The following ZC3H12D variants were observed in gnomAD, a reference collection of about 807,000 sequenced individuals.
The protein encoded by ZC3H12D is probable ribonuclease ZC3H12D.
In ZC3H12D, 11 loss-of-function variants were observed where a neutral mutation model predicts 24.2. The observed-to-expected ratio is 0.46, with a 90% CI of 0.29 to 0.75. The LOEUF (loss-of-function observed/expected upper bound fraction) is 0.75, where lower values mean the gene tolerates loss of function less well. Ranked by LOEUF, ZC3H12D falls within the 30% of genes least tolerant of loss-of-function variation. The pLI, the probability that ZC3H12D is intolerant of heterozygous loss-of-function variation, is 0.11. For missense variants in ZC3H12D, 740 were observed against 767.7 expected, an observed-to-expected ratio of 0.96 and a Z score of 0.43; for synonymous variants, 333 against 341.8, an observed-to-expected ratio of 0.97 and a Z score of 0.28.
At chr6:149,468,605 A>G (rs918712898) in intron 2 of ZC3H12D, among the ~76,000 whole-genome samples, 4 of 152,158 alleles carry the variant, frequency 2.6e-5, no homozygotes, top group Non-Finnish European at 5.9e-5. Flanking sequence ...TGGGGGTTCA[A>G]TTGCAAACAC....
intron 5 of ZC3H12D, among the ~76,000 whole-genome samples, chr6:149,451,749 G>C (rs531829997): frequency 1.3e-5 from 2 of 152,356 alleles, no homozygotes; most frequent in South Asian, 4.1e-4. Context: ...GGTATGCAGA[G>C]GAGTGTCGTT....
chr6:149,473,318 T>A (rs895833631), intron 2 of ZC3H12D, among the ~76,000 whole-genome samples: 2 of 152,192 alleles, frequency 1.3e-5, no homozygotes, highest in African/African-American at 4.8e-5. Context: ...GAGAATTGCT[T>A]TTCTGGATTC....
rs761360889 is a variant in ZC3H12D at position 149,450,709 on chromosome 6, C to T, written c.1558G>A (p.Ala520Thr). Residue 520 changes from alanine to threonine, a missense_variant, in exon 6 of 6, where the codon GCG becomes ACG. Ala to Thr is a moderately conservative substitution (Grantham distance 58). Coordinates refer to ENST00000409806, the MANE Select transcript of ZC3H12D (RefSeq NM_207360.3). ...TAGGGCTTGCCCAGGGGCGCCCCCGCGCTCTGGCATCTCTGTACCAGGAGG... is the reference window on the plus strand; with the variant it reads ...TAGGGCTTGCCCAGGGGCGCCCCCGTGCTCTGGCATCTCTGTACCAGGAGG... ...LILLVQRCQS[A>T]GAPLGKP 28 of 1,538,334 alleles carry T rather than the reference C, an allele frequency of 1.8e-5. No individual in the cohort carries two copies. In the South Asian group the frequency reaches 3.4e-4, roughly 18 times the overall value.
intron 3 of ZC3H12D, chr6:149,459,432 T>A: frequency 1.7e-6 from 1 of 588,444 alleles, no homozygotes; most frequent in Non-Finnish European, 3.1e-6. Context: ...GATTTTGACA[T>A]ACTTTGGGAA....
intron 1 of ZC3H12D, among the ~76,000 whole-genome samples, chr6:149,484,477 G>C (rs1014620953): frequency 5.3e-5 from 8 of 152,128 alleles, no homozygotes; most frequent in Admixed American, 1.3e-4. Context: ...ATCTTCAAAG[G>C]CCACAGCAGG....
At chr6:149,462,790 C>T (rs969140419) in intron 2 of ZC3H12D, among the ~76,000 whole-genome samples, 1 of 152,212 alleles carries the variant, frequency 6.6e-6, no homozygotes, top group Non-Finnish European at 1.5e-5. Context: ...TGCTCTTGAA[C>T]ATCAGACTCC....
chr6:149,456,622 C>CCCCCCCCCCCCCCCCCCCGGGGGG lies in ZC3H12D; in HGVS notation c.680+43_680+44insCCCCCCGGGGGGGGGGGGGGGGGG. The stretch of plus-strand genomic sequence containing the variant: ...GGCCACTGCCTCGACCCCGGCCCCC[C>CCCCCCCCCCCCCCCCCCCGGGGGG]GCCCCGCCGCCCCCCAGGGTGTCAG... On this transcript the variant is annotated intron_variant, in intron 4 of 5. Coordinates refer to ENST00000409806, the MANE Select transcript of ZC3H12D (RefSeq NM_207360.3). The surrounding 1 kb of genome is among the most constrained non-coding windows in gnomAD (Gnocchi z 4.3). 1 of 1,314,360 alleles carries CCCCCCCCCCCCCCCCCCCGGGGGG rather than the reference C, an allele frequency of 7.6e-7. No homozygotes were observed. The allele number at this position is 1,314,360 out of a possible 1,614,324, so 81.4% of individuals were successfully genotyped here.
At chr6:149,458,124 G>GTTTTTTTTTTTT (rs1562472740) in intron 3 of ZC3H12D, among the ~76,000 whole-genome samples, 5 of 37,596 alleles carry the variant, frequency 1.3e-4, no homozygotes, top group Non-Finnish European at 2.3e-4. Context: ...TTTTTTTTTC[G>GTTTTTTTTTTTT]TTTCTTTTTT....
At chr6:149,466,109 T>C (rs1776157207) in intron 2 of ZC3H12D, among the ~76,000 whole-genome samples, 1 of 151,964 alleles carries the variant, frequency 6.6e-6, no homozygotes. Context: ...ATGGACAAGC[T>C]GGCACCAGTG....
At chr6:149,471,422 T>C (rs897390277) in intron 2 of ZC3H12D, among the ~76,000 whole-genome samples, 1 of 152,240 alleles carries the variant, frequency 6.6e-6, no homozygotes, top group Non-Finnish European at 1.5e-5. Flanking sequence ...TCTCACATTC[T>C]CTGTGCTAAC....
intron 1 of ZC3H12D, among the ~76,000 whole-genome samples, chr6:149,484,541 T>A (rs1776471152): frequency 1.3e-5 from 2 of 152,190 alleles, no homozygotes; most frequent in South Asian, 2.1e-4. Context: ...CCCAAAAATG[T>A]CATCTGGAAA....
chr6:149,467,393 C>G lies in ZC3H12D; in HGVS notation c.306-5423G>C, dbSNP rs571409659. ...TCAGCCTCCCAAGTCGCTGGGACTA[C>G]AGGTATGCACTGCCACACCTGGCTA... is the stretch of plus-strand genomic sequence containing the variant. On this transcript the variant is annotated intron_variant, in intron 2 of 5. Coordinates refer to ENST00000409806, the MANE Select transcript of ZC3H12D (RefSeq NM_207360.3). Among the ~76,000 whole-genome samples, 9 of 152,276 alleles carry G rather than the reference C, an allele frequency of 5.9e-5. No homozygotes were observed. In the South Asian group the frequency reaches 1.9e-3, roughly 32 times the overall value.
intron 3 of ZC3H12D, among the ~76,000 whole-genome samples, chr6:149,460,378 C>T (rs1776052897): frequency 6.6e-6 from 1 of 152,182 alleles, no homozygotes; most frequent in South Asian, 2.1e-4. Context: ...AGCCAAACAA[C>T]AAACAAGACC....
intron 4 of ZC3H12D, among the ~76,000 whole-genome samples, chr6:149,453,299 A>T (rs1445407271): frequency 2.3e-4 from 2 of 8,818 alleles, no homozygotes; most frequent in African/African-American, 5.4e-4. Flanking sequence ...GATCCTGGCT[A>T]AAAAAAAAAA....
chr6:149,479,318 G>A (rs1391841267), intron 1 of ZC3H12D, among the ~76,000 whole-genome samples: 1 of 152,162 alleles, frequency 6.6e-6, no homozygotes, highest in African/African-American at 2.4e-5. Context: ...CTGTGATCAC[G>A]CCACTGACCC....
chr6:149,459,520 G>T (rs1426689107), intron 3 of ZC3H12D: 1 of 711,106 alleles, frequency 1.4e-6, no homozygotes, highest in Admixed American at 2.0e-5. Flanking sequence ...GAAGGCTGGA[G>T]TGGAGGTGGG....
chr6:149,457,048 C>A, intron 3 of ZC3H12D, 148 bp from the exon 4 acceptor site: 2 of 749,122 alleles, frequency 2.7e-6, no homozygotes, highest in South Asian at 1.9e-5. Flanking sequence ...GCCGCCATAG[C>A]GTTCGCTCCT....
chr6:149,461,706 A>G (rs1776074966), intron 3 of ZC3H12D, 125 bp downstream of exon 3: 1 of 1,092,150 alleles, frequency 9.2e-7, no homozygotes, highest in Non-Finnish European at 1.3e-6. Context: ...CATGGAGCTT[A>G]TAGCGCAGTG....
At chr6:149,451,547 G>C (rs1030258366) in intron 5 of ZC3H12D, 68 bp from the exon 6 acceptor site, 50 of 1,378,568 alleles carry the variant, frequency 3.6e-5, no homozygotes, top group Non-Finnish European at 4.7e-5. Context: ...GTGGTTCCTG[G>C]TGCATCCGGG....
Sources: gnomAD v4.1 joint callset for allele counts (sites outside exome capture counted in the v4.1 genomes callset) on GRCh38, gnomAD v4.1.1 for gene constraint, Gnocchi (gnomAD v3.1) non-coding constraint, MANE v1.5 for transcripts, NCBI Gene and HGNC (gene_info 2026-07-23, HGNC 2026-07-21) for gene names.